The following NR0B1 variants were observed in gnomAD, a reference collection of about 807,000 sequenced individuals.
The protein encoded by NR0B1 is DSS-AHC critical region on the X chromosome protein 1.
In NR0B1, 3 loss-of-function variants were observed where a neutral mutation model predicts 23.0. That is an observed-to-expected ratio of 0.13 (90% CI 0.06 to 0.34). The LOEUF is 0.34. Among genes scored for constraint, NR0B1 ranks in the 10% least tolerant of loss-of-function variants. The probability of loss-of-function intolerance (pLI) is 1.00; values close to 1 mark genes in which losing one functional copy is unlikely to be tolerated. For synonymous variants in NR0B1, 205 were observed against 184.0 expected (o/e 1.11, Z -0.92); for missense variants, 350 against 402.9 (o/e 0.87, Z 1.12).
intron 1 of NR0B1, among the ~76,000 whole-genome samples, chrX:30,307,647 C>T (rs1490636723): frequency 9.0e-6 from 1 of 111,447 alleles, no homozygotes; most frequent in Non-Finnish European, 1.9e-5. Flanking sequence ...TACAAATAAC[C>T]ATTCAGAGGC....
chrX:30,306,801 G>T (rs1029310694), intron 1 of NR0B1, among the ~76,000 whole-genome samples: 2 of 111,055 alleles, frequency 1.8e-5, no homozygotes, highest in African/African-American at 6.6e-5. Context: ...AATCATCTGC[G>T]ACACTTATTA....
chrX:30,306,577 A>ATGTGTGTGTGTGTGTGTGTG (rs58777171), intron 1 of NR0B1, among the ~76,000 whole-genome samples: 2 of 92,345 alleles, frequency 2.2e-5, no homozygotes, highest in Non-Finnish European at 4.3e-5. Flanking sequence ...ATAAGGAAGA[A>ATGTGTGTGTGTGTGTGTGTG]TGTGTGTGTG....
rs1177939128 is a variant in NR0B1, at chrX:30,308,711, G to A, written c.653C>T (p.Thr218Met). 5 of 1,198,915 alleles carry A rather than the reference G, an allele frequency of 4.2e-6. No homozygotes were observed. Among genetic ancestry groups the A allele is most frequent in the Non-Finnish European group, 5.6e-6 (5 of 889,923 alleles). ...QQGSTLYCVPTSTNQAQAAPE... is the reference protein window; with the variant it reads ...QQGSTLYCVPMSTNQAQAAPE... ...AGCCGCCTGCGCTTGATTTGTGCTC[G>A]TGGGCACGCAGTAGAGGGTGCTGCC... The change falls in exon 1 of 2, where the codon ACG (threonine) becomes ATG (methionine). Residue 218 changes from threonine (T) to methionine (M), a missense_variant. Around this residue, in one of 2 missense-constraint regions of NR0B1, gnomAD observed 298 missense variants for 314.0 expected, o/e 0.95. Transcript: ENST00000378970.
chrX:30,305,878 A>T (rs762162620), intron 1 of NR0B1: 4 of 442,763 alleles, frequency 9.0e-6, no homozygotes, highest in Non-Finnish European at 7.9e-6. Flanking sequence ...ACAGAAAAGT[A>T]TTTTAAAAGC....
In NR0B1 at chrX:30,308,935, G is replaced by T; in HGVS notation, c.429C>A (p.Gly143=). The T allele has an allele frequency of 8.3e-7, 1 of 1,211,497 alleles. No individual in the cohort carries two copies. The highest frequency in any genetic ancestry group is 1.1e-6 in the Non-Finnish European group (1 of 895,504). ...CFCGEDHPRQ[G]SILYSLLTSS... ...TAGTGAGCAAGCTGTAGAGGATGCT[G>T]CCCTGCCGCGGGTGGTCTTCACCAC... The change falls in exon 1 of 2, where the codon GGC becomes GGA. Residue 143 remains glycine, a synonymous_variant. Transcript: ENST00000378970.
rs377631205 is a variant in NR0B1, at chrX:30,308,602, G to A, written c.762C>T (p.Val254=). 7 of 1,208,565 alleles carry A rather than the reference G, an allele frequency of 5.8e-6. No individual in the cohort carries two copies. The highest frequency in any genetic ancestry group is 7.8e-6 in the Non-Finnish European group (7 of 894,654). The part of the protein sequence containing the change: ...RPVALKSPQV[V]CEAASAGLLK... Reference sequence around the variant, plus strand: ...ACAGGCCCGCTGAGGCTGCCTCGCAGACCACCTGTGGACTCTTGAGCGCCA... The same window carrying A: ...ACAGGCCCGCTGAGGCTGCCTCGCAAACCACCTGTGGACTCTTGAGCGCCA... The change falls in exon 1 of 2, where the codon GTC becomes GTT. Residue 254 remains valine (V), a synonymous_variant. Coordinates refer to ENST00000378970, the MANE Select transcript of NR0B1 (RefSeq NM_000475.5).
At chrX:30,307,382 C>T (rs11095180) in intron 1 of NR0B1, among the ~76,000 whole-genome samples, 16,266 of 110,487 alleles carry the variant, frequency 0.15, 946 homozygotes, top group Non-Finnish European at 0.18. Flanking sequence ...GCCCAGAAGA[C>T]AGGACCCTCA....
In NR0B1 at chrX:30,308,425, C is replaced by G. The variant is rs377428336; in HGVS notation, c.939G>C (p.Glu313Asp). 1.7e-6 allele frequency: 2 copies of G among 1,202,034 alleles called. No individual in the cohort carries two copies. The highest frequency in any genetic ancestry group is 1.8e-5 in the South Asian group (1 of 55,888). Residue 313 changes from glutamate (E) to aspartate (D), a missense_variant, in exon 1 of 2, where the codon GAG becomes GAC. Physicochemically the swap from Glu to Asp is conservative, Grantham distance 45. This residue lies in a region of NR0B1 where 298 missense variants were observed against 314.0 expected (regional missense o/e 0.95). Coordinates refer to ENST00000378970, the MANE Select transcript of NR0B1 (RefSeq NM_000475.5). ...RLQFETVEVS[E>D]PSMLQKILTT... is the part of the protein sequence containing the mutation. ...TGAGGATCTTCTGCAGCATGCTGGG[C>G]TCCGAGACTTCCACAGTCTCGAACT...
At chrX:30,305,027 CTA>C (rs921803386) in intron 1 of NR0B1, among the ~76,000 whole-genome samples, 29 of 112,553 alleles carry the variant, frequency 2.6e-4, no homozygotes, top group African/African-American at 9.0e-4. Flanking sequence ...TTAATATTTA[CTA>C]TGTTTCTATG....
At chrX:30,307,213 C>T (rs1303032002) in intron 1 of NR0B1, among the ~76,000 whole-genome samples, 1 of 111,958 alleles carries the variant, frequency 8.9e-6, no homozygotes, top group Non-Finnish European at 1.9e-5. Context: ...TTTGAAAGGA[C>T]GCTGGTTGAA....
intron 1 of NR0B1, among the ~76,000 whole-genome samples, chrX:30,305,317 T>C (rs910643674): frequency 1.5e-4 from 17 of 112,316 alleles, no homozygotes; most frequent in Non-Finnish European, 3.0e-4. Context: ...GCCACAAACT[T>C]TGACGCACAG....
rs188406413 is a variant in NR0B1, at chrX:30,308,605, C to G, written c.759G>C (p.Val253=). 388 of 1,206,294 alleles carry G rather than the reference C, an allele frequency of 3.2e-4. 3 individuals are homozygous for G. In the East Asian group the frequency reaches 0.011, roughly 35 times the overall value. ...LRPVALKSPQ[V]VCEAASAGLL... ...GGCCCGCTGAGGCTGCCTCGCAGAC[C>G]ACCTGTGGACTCTTGAGCGCCACCG... is the stretch of plus-strand genomic sequence containing the variant. Residue 253 remains valine, a synonymous_variant, in exon 1 of 2, where the codon GTG becomes GTC. Coordinates refer to ENST00000378970, the MANE Select transcript of NR0B1 (RefSeq NM_000475.5).
In NR0B1 at chrX:30,307,957, T is replaced by C. The variant is rs151157707; in HGVS notation, c.1168+239A>G. On this transcript the variant is annotated intron_variant, in intron 1 of 1. Coordinates refer to ENST00000378970, the MANE Select transcript of NR0B1 (RefSeq NM_000475.5). ...GGTAAGAAATGTGTAGAGAGCCAAG[T>C]ACAAACCTAAACAAACAACTCCCCT... 3.4e-3 allele frequency among the ~76,000 whole-genome samples: 375 copies of C among 111,231 alleles called. 4 individuals are homozygous for C. Among genetic ancestry groups the C allele is most frequent in the African/African-American group, 0.011 (351 of 30,550 alleles).
intron 1 of NR0B1, 42 bp from the exon 2 acceptor site, chrX:30,304,865 C>T (rs757902267): frequency 1.7e-6 from 2 of 1,200,053 alleles, no homozygotes; most frequent in South Asian, 1.8e-5. Flanking sequence ...CAGCTCACCA[C>T]AGAGTCCTTT....
Position 30,308,206 on chromosome X carries a change from G to C in NR0B1, c.1158C>G (p.Leu386=). The C allele has an allele frequency of 8.3e-7, 1 of 1,209,048 alleles. No individual in the cohort carries two copies. The highest frequency in any genetic ancestry group is 1.7e-5 in the African/African-American group (1 of 57,864). ...KEYAYLKGTV[L]FNPDVPGLQC... ...GGCCAGTACCCTTACCCGGGTTAAA[G>C]AGCACGGTCCCCTTGAGGTAGGCGT... is the stretch of plus-strand genomic sequence containing the variant. The change falls in exon 1 of 2, where the codon CTC becomes CTG. Residue 386 remains leucine, a synonymous_variant. Transcript: ENST00000378970.
rs1449985723 is a variant in NR0B1 at position 30,308,478 on chromosome X, T to C, written c.886A>G (p.Met296Val). 4.2e-6 allele frequency: 5 copies of C among 1,200,500 alleles called. No homozygotes were observed. Among genetic ancestry groups the C allele is most frequent in the Non-Finnish European group, 5.6e-6 (5 of 890,485 alleles). ...AAGCGGTCCTGGGCCAGCTCAAGCATGAGCAGGGACGCCCAGCAGTTGCGC... is the reference window on the plus strand; with the variant it reads ...AAGCGGTCCTGGGCCAGCTCAAGCACGAGCAGGGACGCCCAGCAGTTGCGC... ...LVRNCWASLL[M>V]LELAQDRLQF... Residue 296 changes from methionine (M) to valine (V), a missense_variant, in exon 1 of 2, where the codon ATG becomes GTG. By Grantham distance (21) the Met-to-Val change is conservative (BLOSUM62 1). Transcript: ENST00000378970.
In NR0B1 at chrX:30,308,993, C is replaced by G; in HGVS notation, c.371G>C (p.Arg124Pro). ...GCAGCGGTACAGGAGTGCCACGGGCCGCCCACCCGGAAGCCCCGCTCTGCC... is the reference window on the plus strand; with the variant it reads ...GCAGCGGTACAGGAGTGCCACGGGCGGCCCACCCGGAAGCCCCGCTCTGCC... ...GVGRAGLPGG[R>P]PVALLYRCCF... Residue 124 changes from arginine to proline, a missense_variant, in exon 1 of 2, where the codon CGG becomes CCG. Around this residue, in one of 2 missense-constraint regions of NR0B1, gnomAD observed 298 missense variants for 314.0 expected, o/e 0.95. Transcript: ENST00000378970. The G allele has an allele frequency of 1.7e-6, 2 of 1,210,341 alleles. No individual in the cohort carries two copies. Among genetic ancestry groups the G allele is most frequent in the Non-Finnish European group, 2.2e-6 (2 of 895,234 alleles).
chrX:30,305,290 T>C (rs1926499165), intron 1 of NR0B1, among the ~76,000 whole-genome samples: 1 of 112,425 alleles, frequency 8.9e-6, no homozygotes, highest in Non-Finnish European at 1.9e-5. Context: ...GTTCAGCCAA[T>C]GGTGGTAAAC....
intron 1 of NR0B1, among the ~76,000 whole-genome samples, chrX:30,307,991 C>T (rs2147006081): frequency 9.0e-6 from 1 of 111,509 alleles, no homozygotes; most frequent in Non-Finnish European, 1.9e-5. Flanking sequence ...CTCCTCTTGG[C>T]TGAGTTTCTG....
Sources: gnomAD v4.1 joint callset for allele counts (sites outside exome capture counted in the v4.1 genomes callset) on GRCh38, gnomAD v4.1.1 for gene constraint, gnomAD v4.1.1 regional missense constraint, MANE v1.5 for transcripts, NCBI Gene and HGNC (gene_info 2026-07-23, HGNC 2026-07-21) for gene names.